DSCAM: variants seen among roughly 807,000 people sequenced by gnomAD.
DSCAM encodes DS cell adhesion molecule, also known as cell adhesion molecule DSCAM.
Under a neutral mutation model 217.7 loss-of-function variants are expected in DSCAM, and 47 were observed. The observed-to-expected ratio is 0.22, with a 90% CI of 0.17 to 0.28. DSCAM has a LOEUF of 0.28. DSCAM is among the 10% of genes least tolerant of loss of function. The pLI, the probability that DSCAM is intolerant of heterozygous loss-of-function variation, is 1.00. For synonymous variants in DSCAM, 1,056 were observed against 1,015.3 expected (o/e 1.04, Z -0.76); for missense variants, 2,080 against 2,618.3 (o/e 0.79, Z 4.49).
At chr21:40,594,327 G>A (rs1251223796) in intron 3 of DSCAM, among the ~76,000 whole-genome samples, 1 of 152,212 alleles carries the variant, frequency 6.6e-6, no homozygotes, top group East Asian at 1.9e-4. Flanking sequence ...GTAACCAGCA[G>A]ACTAATTTTA....
chr21:40,629,205 G>A (rs2089653994), intron 3 of DSCAM, among the ~76,000 whole-genome samples: 1 of 152,126 alleles, frequency 6.6e-6, no homozygotes, highest in Admixed American at 6.5e-5. Context: ...CTTATGCAGA[G>A]GCCCAGAGAT....
chr21:40,447,188 T>A (rs1416101303), intron 3 of DSCAM, among the ~76,000 whole-genome samples: 1 of 152,142 alleles, frequency 6.6e-6, no homozygotes, highest in Non-Finnish European at 1.5e-5. Flanking sequence ...GTTGGGCATG[T>A]AGGTGAATGA....
chr21:40,146,974 C>T (rs563052331), intron 16 of DSCAM, among the ~76,000 whole-genome samples: 5 of 152,316 alleles, frequency 3.3e-5, no homozygotes, highest in South Asian at 2.1e-4. Context: ...TCCCTGTAAA[C>T]GTCACCTATA....
intron 3 of DSCAM, among the ~76,000 whole-genome samples, chr21:40,666,723 T>A (rs2090205373): frequency 6.6e-6 from 1 of 152,236 alleles, no homozygotes; most frequent in Non-Finnish European, 1.5e-5. Context: ...CCTGGGCTAC[T>A]TCAGGTCTAT....
At chr21:40,658,781 T>C (rs1198325067) in intron 3 of DSCAM, among the ~76,000 whole-genome samples, 1 of 152,134 alleles carries the variant, frequency 6.6e-6, no homozygotes, top group East Asian at 1.9e-4. Context: ...AAAATGAAAA[T>C]GCCAATCACA....
At chr21:40,622,312 G>A (rs183063115) in intron 3 of DSCAM, among the ~76,000 whole-genome samples, 341 of 152,156 alleles carry the variant, frequency 2.2e-3, no homozygotes, top group South Asian at 0.01. Context: ...TCAATGGGAA[G>A]CGCCACAATT....
Position 40,028,428 on chromosome 21 carries a change from GC to G in DSCAM, c.5686+13942del, listed in dbSNP as rs953385297. ...TTTACCTAAGCAAGCCTGGGCAATG[GC>G]GGGCCCCCCTCCCCCAGCCTGGCTG... is the stretch of plus-strand genomic sequence containing the variant. On this transcript the variant is annotated intron_variant, in intron 32 of 32. Transcript: ENST00000400454. Among the ~76,000 whole-genome samples, 6 of 150,930 alleles carry G rather than the reference GC, an allele frequency of 4.0e-5. No homozygotes were observed. The East Asian group carries it at 5.9e-4, about 15-fold the overall frequency.
chr21:40,575,363 C>T (rs1209149282), intron 3 of DSCAM, among the ~76,000 whole-genome samples: 13 of 152,076 alleles, frequency 8.5e-5, no homozygotes, highest in Non-Finnish European at 1.5e-5. Context: ...AGCTTTATTG[C>T]TCACACAAAG....
At chr21:40,344,137 G>A (rs1301846174) in intron 6 of DSCAM, among the ~76,000 whole-genome samples, 1 of 152,118 alleles carries the variant, frequency 6.6e-6, no homozygotes, top group African/African-American at 2.4e-5. Context: ...GACCTCGAGT[G>A]AGCCGCCTGT....
intron 3 of DSCAM, among the ~76,000 whole-genome samples, chr21:40,662,341 A>G (rs2837769): frequency 0.24 from 37,110 of 151,946 alleles, 5,529 homozygotes; most frequent in Admixed American, 0.41. Flanking sequence ...GCCAGCCTTA[A>G]TATGTGCTCT....
At chr21:40,681,385 C>T (rs1433439497) in intron 3 of DSCAM, among the ~76,000 whole-genome samples, 5 of 152,094 alleles carry the variant, frequency 3.3e-5, no homozygotes, top group Admixed American at 2.0e-4. Flanking sequence ...TGGATGCTGG[C>T]GCCGCCGGGG....
intron 11 of DSCAM, among the ~76,000 whole-genome samples, chr21:40,197,997 G>A (rs982283320): frequency 6.6e-6 from 1 of 152,122 alleles, no homozygotes. Context: ...CTGTCTTCAA[G>A]CCTGAACACC....
At chr21:40,660,759 A>G (rs532123288) in intron 3 of DSCAM, among the ~76,000 whole-genome samples, 190 of 152,296 alleles carry the variant, frequency 1.2e-3, no homozygotes, top group African/African-American at 4.0e-3. Context: ...CTGACCTAAG[A>G]ATCCCTCTGC....
Position 40,191,727 on chromosome 21 carries a change from C to T in DSCAM, c.2357-2489G>A, listed in dbSNP as rs550069244. On this transcript the variant is annotated intron_variant, in intron 11 of 32. Coordinates refer to ENST00000400454, the MANE Select transcript of DSCAM (RefSeq NM_001389.5). ...AAATCAAGTCGACAACAGAGCCATGCTCCCTCTAAGAGCTCTAGAGGAAGA... is the reference window on the plus strand; with the variant it reads ...AAATCAAGTCGACAACAGAGCCATGTTCCCTCTAAGAGCTCTAGAGGAAGA... 6.6e-5 allele frequency among the ~76,000 whole-genome samples: 10 copies of T among 152,304 alleles called. 1 individual carries two copies. The East Asian group carries it at 1.9e-3, about 29-fold the overall frequency.
chr21:40,320,916 G>A (rs183611326), intron 8 of DSCAM, among the ~76,000 whole-genome samples: 38 of 152,306 alleles, frequency 2.5e-4, no homozygotes, highest in Non-Finnish European at 4.9e-4. Flanking sequence ...GTTCATTTAT[G>A]TGTATTTACT....
intron 3 of DSCAM, among the ~76,000 whole-genome samples, chr21:40,440,909 A>G (rs546786945): frequency 2.0e-5 from 3 of 152,278 alleles, no homozygotes; most frequent in South Asian, 2.1e-4. Flanking sequence ...GTTATCATCA[A>G]TGTTATTAGA....
intron 3 of DSCAM, among the ~76,000 whole-genome samples, chr21:40,438,693 G>A (rs1463184240): frequency 6.6e-6 from 1 of 152,184 alleles, no homozygotes; most frequent in Non-Finnish European, 1.5e-5. Flanking sequence ...CATAAGGAAT[G>A]AGGACTGATT....
chr21:40,121,995 C>T (rs920969669), intron 20 of DSCAM, among the ~76,000 whole-genome samples: 1 of 152,070 alleles, frequency 6.6e-6, no homozygotes, highest in Admixed American at 6.5e-5. Context: ...CTTGCTGGCC[C>T]TCATTACTGT....
intron 11 of DSCAM, among the ~76,000 whole-genome samples, chr21:40,211,315 T>C (rs73904743): frequency 0.032 from 4,887 of 152,310 alleles, 276 homozygotes; most frequent in African/African-American, 0.11. Context: ...TTGTCCAGAA[T>C]TTAGCTACTA....
Sources: allele counts gnomAD v4.1 joint callset (sites outside exome capture counted in the v4.1 genomes callset), GRCh38; gene constraint gnomAD v4.1.1; transcripts MANE v1.5; gene names NCBI Gene and HGNC (gene_info 2026-07-23, HGNC 2026-07-21).